SHC2: variants seen among roughly 807,000 people sequenced by gnomAD.
SHC2 encodes the protein SHC-transforming protein 2.
A neutral mutation model predicts 60.6 loss-of-function variants in SHC2; 62 were observed. The ratio of observed to expected loss-of-function variants is 1.02; its 90% confidence interval spans 0.83 to 1.26. The LOEUF (loss-of-function observed/expected upper bound fraction) is 1.26. Ranked by LOEUF, SHC2 falls within the 50% of genes most tolerant of loss-of-function variation. SHC2 has a pLI of 0.00. For synonymous variants in SHC2, 375 were observed against 372.4 expected (o/e 1.01, Z -0.08); for missense variants, 873 against 822.2 (o/e 1.06, Z -0.76).
intron 11 of SHC2, among the ~76,000 whole-genome samples, chr19:421,324 C>T (rs557660066): frequency 6.0e-5 from 9 of 148,768 alleles, no homozygotes; most frequent in African/African-American, 2.0e-4. Context: ...CGCTTGAACG[C>T]GGGAGGCGGA....
Position 446,074 on chromosome 19 carries a change from A to G in SHC2, c.469-5142T>C, listed in dbSNP as rs1170825380. Among the ~76,000 whole-genome samples, 1 of 151,002 alleles carries G rather than the reference A, an allele frequency of 6.6e-6. No individual in the cohort carries two copies. Among genetic ancestry groups the G allele is most frequent in the Non-Finnish European group, 1.5e-5 (1 of 67,728 alleles). On this transcript the variant is annotated intron_variant, in intron 1 of 12. Coordinates refer to ENST00000264554, the MANE Select transcript of SHC2 (RefSeq NM_012435.3). The surrounding 1 kb of genome is among the most constrained non-coding windows in gnomAD (Gnocchi z 5.4). ...TGTCTCAAAATAAAAAAAAAAAAAG[A>G]CAAGCACAGAGGGAGATTTGAGAGA...
Position 455,354 on chromosome 19 carries a change from C to T in SHC2, c.468+5175G>A, listed in dbSNP as rs1292551335. The stretch of plus-strand genomic sequence containing the variant: ...CTTTGACCTGCTGTGCCTCAGCTGC[C>T]TCATCTATAAAATGGGTGGAAGCCG... On this transcript the variant is annotated intron_variant, in intron 1 of 12. Transcript: ENST00000264554. Among the ~76,000 whole-genome samples, 7 of 152,338 alleles carry T rather than the reference C, an allele frequency of 4.6e-5. No homozygotes were observed. The East Asian group carries it at 1.4e-3, about 29-fold the overall frequency.
In SHC2 at chr19:422,056, GCGAAGCCCC is replaced by G; in HGVS notation, c.1620+81_1620+89del. The G allele has an allele frequency of 4.2e-6, 2 of 477,670 alleles. No individual in the cohort carries two copies. The highest frequency in any genetic ancestry group is 4.8e-6 in the Non-Finnish European group (2 of 412,648). The allele number at this position is 477,670 out of a possible 1,614,324, so 29.6% of individuals were successfully genotyped here. A position where few individuals can be genotyped will look rare whatever the true frequency, so the allele number is the denominator to read the frequency against. ...CTTGAGACCCTCCCACCTGTGCCCA[GCGAAGCCCC>G]TGGATGCCCCGAGACCCTCCCACCT... On this transcript the variant is annotated intron_variant, in intron 11 of 12. Transcript: ENST00000264554. This position sits in a 1 kb window ranked among gnomAD's most constrained non-coding sequence, Gnocchi z 5.0.
At position 430,821 on chromosome 19, in the gene SHC2, C is replaced by T. The variant is rs565787577; in HGVS notation, c.1111-74G>A. ...CCTGGCTCTGGACCCCCAGTCTCCCCGCCCGGCCCTCTTAGATGGCTGGAG... is the reference window on the plus strand; with the variant it reads ...CCTGGCTCTGGACCCCCAGTCTCCCTGCCCGGCCCTCTTAGATGGCTGGAG... On this transcript the variant is annotated intron_variant, in intron 8 of 12. Coordinates refer to ENST00000264554, the MANE Select transcript of SHC2 (RefSeq NM_012435.3). The T allele has an allele frequency of 4.2e-5, 59 of 1,410,426 alleles. No individual in the cohort carries two copies. The East Asian group carries it at 4.5e-4, about 11-fold the overall frequency. 87.4% of individuals were successfully genotyped at this position (1,410,426 alleles called of 1,614,324 possible).
intron 1 of SHC2, among the ~76,000 whole-genome samples, chr19:449,511 A>G (rs778234287): frequency 3.5e-4 from 53 of 152,190 alleles, no homozygotes; most frequent in Admixed American, 5.2e-4. Context: ...GACTTTGTTA[A>G]TCATACCATA....
intron 9 of SHC2, among the ~76,000 whole-genome samples, chr19:429,816 T>C (rs936311533): frequency 6.8e-6 from 1 of 146,804 alleles, no homozygotes; most frequent in Non-Finnish European, 1.5e-5. Flanking sequence ...CCTCATACCG[T>C]GTGGATGACA....
At chr19:428,380 T>C (rs563679222) in intron 9 of SHC2, among the ~76,000 whole-genome samples, 1 of 152,304 alleles carries the variant, frequency 6.6e-6, no homozygotes, top group African/African-American at 2.4e-5. Context: ...CTGCTGTCTG[T>C]CATGGCAAAG....
At chr19:454,908 C>T (rs1003162337) in intron 1 of SHC2, among the ~76,000 whole-genome samples, 1 of 152,226 alleles carries the variant, frequency 6.6e-6, no homozygotes. Flanking sequence ...TGGTGGTGGC[C>T]GGGGCTCCCT....
At chr19:423,710 A>G (rs1471164118) in intron 10 of SHC2, among the ~76,000 whole-genome samples, 1 of 151,554 alleles carries the variant, frequency 6.6e-6, no homozygotes, top group Non-Finnish European at 1.5e-5. Flanking sequence ...GCCAGCTCCA[A>G]CTCCTAGCCT....
chr19:447,367 C>T (rs912964668), intron 1 of SHC2, among the ~76,000 whole-genome samples: 1 of 152,228 alleles, frequency 6.6e-6, no homozygotes, highest in Non-Finnish European at 1.5e-5. Context: ...CTGACGGGAG[C>T]GTCCTGGAAC....
chr19:449,135 T>A (rs866551917), intron 1 of SHC2, among the ~76,000 whole-genome samples: 3 of 152,030 alleles, frequency 2.0e-5, no homozygotes, highest in African/African-American at 7.2e-5. Flanking sequence ...GCCACTGCAC[T>A]CCAGCCTGGG....
Position 460,559 on chromosome 19 carries a change from GACC to G in SHC2, c.435_437del (p.Arg145_Val146delinsSer), listed in dbSNP as rs749722408. 253 of 1,417,276 alleles carry G rather than the reference GACC, an allele frequency of 1.8e-4. 2 individuals carry two copies. The East Asian group carries it at 6.9e-3, about 39-fold the overall frequency. 87.8% of individuals were successfully genotyped at this position (1,417,276 alleles called of 1,614,324 possible). A position where few individuals can be genotyped will look rare whatever the true frequency, so the allele number is the denominator to read the frequency against. Reference sequence around the variant, plus strand: ...CGACGTAGGAGACCCCGGGCCCCAGGACCCTGGCGTCGGGGTGTAGCCAGCCGT... The same window carrying G: ...CGACGTAGGAGACCCCGGGCCCCAGGCTGGCGTCGGGGTGTAGCCAGCCGT... On this transcript the variant is annotated inframe_deletion, in exon 1 of 13. Transcript: ENST00000264554.
chr19:460,417 G>A, intron 1 of SHC2, 112 bp downstream of exon 1: 1 of 407,592 alleles, frequency 2.5e-6, no homozygotes, highest in Non-Finnish European at 3.9e-6. Flanking sequence ...CGGGAGAGCA[G>A]GAAGGATGGG....
intron 12 of SHC2, among the ~76,000 whole-genome samples, 194 bp from the exon 13 acceptor site, chr19:417,516 G>T (rs963089911): frequency 6.6e-6 from 1 of 152,236 alleles, no homozygotes; most frequent in Non-Finnish European, 1.5e-5. Context: ...TGGACCTAGG[G>T]CAGTGCCCTA....
chr19:420,432 C>G (rs1418173937), intron 11 of SHC2, among the ~76,000 whole-genome samples: 1 of 152,220 alleles, frequency 6.6e-6, no homozygotes, highest in Non-Finnish European at 1.5e-5. Context: ...CTCTGAGAGG[C>G]CTCCGAACCC....
intron 1 of SHC2, among the ~76,000 whole-genome samples, chr19:449,679 T>G (rs995461245): frequency 3.3e-5 from 5 of 151,994 alleles, no homozygotes; most frequent in African/African-American, 9.7e-5. Flanking sequence ...GAGAATCGCT[T>G]GAACCCGGGA....
At position 436,735 on chromosome 19, in the gene SHC2, G is replaced by A. The variant is rs554955301; in HGVS notation, c.721-52C>T. The A allele has an allele frequency of 1.2e-5, 19 of 1,543,906 alleles. No homozygotes were observed. In the South Asian group the frequency reaches 2.0e-4, roughly 16 times the overall value. ...CATGGGGGCCCCGCTTCGAGGGCAG[G>A]GGGCCCGGCAGATGGACCAGGACCA... On this transcript the variant is annotated intron_variant, in intron 4 of 12. Transcript: ENST00000264554.
intron 9 of SHC2, among the ~76,000 whole-genome samples, chr19:429,303 A>G (rs1458456859): frequency 1.3e-5 from 2 of 149,468 alleles, no homozygotes; most frequent in Non-Finnish European, 3.0e-5. Flanking sequence ...CCTATACCCA[A>G]CATGCACGGA....
rs1386762743 is a variant in SHC2, at chr19:445,999, G to C, written c.469-5067C>G. ...GAACCCAGGAGGCGGAGGCTGCAGAGAGCCAAGATCACGCCACTGCACTCG... is the reference window on the plus strand; with the variant it reads ...GAACCCAGGAGGCGGAGGCTGCAGACAGCCAAGATCACGCCACTGCACTCG... On this transcript the variant is annotated intron_variant, in intron 1 of 12. Transcript: ENST00000264554. The surrounding 1 kb of genome is among the most constrained non-coding windows in gnomAD (Gnocchi z 4.4). Among the ~76,000 whole-genome samples, 1 of 151,980 alleles carries C rather than the reference G, an allele frequency of 6.6e-6. No homozygotes were observed. Among genetic ancestry groups the C allele is most frequent in the Non-Finnish European group, 1.5e-5 (1 of 67,996 alleles).
Sources: gnomAD v4.1 joint callset for allele counts (sites outside exome capture counted in the v4.1 genomes callset) on GRCh38, gnomAD v4.1.1 for gene constraint, Gnocchi (gnomAD v3.1) non-coding constraint, MANE v1.5 for transcripts, NCBI Gene and HGNC (gene_info 2026-07-23, HGNC 2026-07-21) for gene names.